The following CRLS1 variants were observed in gnomAD, a reference collection of about 807,000 sequenced individuals.
CRLS1 encodes cardiolipin synthase 1.
Under a neutral mutation model 37.0 loss-of-function variants are expected in CRLS1, and 24 were observed. The ratio of observed to expected loss-of-function variants is 0.65; its 90% CI spans 0.47 to 0.91. CRLS1 has a LOEUF of 0.91. Ranked by LOEUF, CRLS1 falls within the 40% of genes least tolerant of loss-of-function variation. The probability of loss-of-function intolerance (pLI) is 0.00; values close to 1 mark genes in which losing one functional copy is unlikely to be tolerated. For synonymous variants in CRLS1, 135 were observed against 159.7 expected (o/e 0.85, Z 1.17); for missense variants, 373 against 395.8 (o/e 0.94, Z 0.49).
Position 6,034,478 on chromosome 20 carries a change from C to G in CRLS1, c.744C>G (p.Val248=). 6.2e-7 allele frequency: 1 copy of G among 1,612,190 alleles called. No individual in the cohort carries two copies. The part of the protein sequence containing the change: ...PTFISKVNTA[V]QLILVAASLA... The stretch of plus-strand genomic sequence containing the variant: ...TTTTTATTTAGGTGAATACAGCAGT[C>G]CAGTTAATCTTGGTGGCAGCTTCTT... The change falls in exon 6 of 7, where the codon GTC becomes GTG. Residue 248 remains valine, a synonymous_variant. Transcript: ENST00000378863.
At chr20:6,010,251 G>C (rs747064204) in intron 2 of CRLS1, among the ~76,000 whole-genome samples, 8 of 152,096 alleles carry the variant, frequency 5.3e-5, no homozygotes, top group Non-Finnish European at 1.0e-4. Flanking sequence ...GATCTGAGAT[G>C]ACTTTTCTAT....
intron 1 of CRLS1, 99 bp from the exon 2 acceptor site, chr20:6,009,676 C>A: frequency 1.1e-6 from 1 of 903,372 alleles, no homozygotes; most frequent in Non-Finnish European, 1.6e-6. Context: ...TAGCTTCTGA[C>A]TGAAGTTGAT....
intron 2 of CRLS1, among the ~76,000 whole-genome samples, chr20:6,010,349 A>G (rs1444968573): frequency 6.6e-6 from 1 of 152,232 alleles, no homozygotes; most frequent in African/African-American, 2.4e-5. Context: ...GTTATGACCC[A>G]GGGAACTGGG....
intron 3 of CRLS1, among the ~76,000 whole-genome samples, chr20:6,024,889 G>T (rs922517448): frequency 5.3e-5 from 8 of 152,146 alleles, no homozygotes; most frequent in African/African-American, 1.9e-4. Context: ...ATAGATCAAG[G>T]CCCTAAGTCT....
chr20:6,029,321 A>G (rs566680748), intron 3 of CRLS1, among the ~76,000 whole-genome samples: 3 of 150,516 alleles, frequency 2.0e-5, no homozygotes, highest in African/African-American at 4.9e-5. Flanking sequence ...TTCCATGCAT[A>G]CTATACATAG....
chr20:6,033,530 T>C (rs752055904), intron 5 of CRLS1, among the ~76,000 whole-genome samples: 2 of 152,226 alleles, frequency 1.3e-5, no homozygotes, highest in Non-Finnish European at 2.9e-5. Flanking sequence ...CGCTTTTTCA[T>C]ACTTTGCAGA....
At position 6,037,991 on chromosome 20, in the gene CRLS1, G is replaced by A. The variant is rs1980693165; in HGVS notation, c.*833G>A. ...ATTTTTCAAAGGTTTTTTAAACTTTGGAGACTCTTTCTTTTGTTAAGCAGT... is the reference window on the plus strand; with the variant it reads ...ATTTTTCAAAGGTTTTTTAAACTTTAGAGACTCTTTCTTTTGTTAAGCAGT... On this transcript the variant is annotated 3_prime_UTR_variant, in exon 7 of 7. Transcript: ENST00000378863. 1 of 152,034 alleles carries A rather than the reference G, an allele frequency of 6.6e-6. No homozygotes were observed. Among genetic ancestry groups the A allele is most frequent in the Non-Finnish European group, 1.5e-5 (1 of 68,012 alleles). 9.4% of individuals were successfully genotyped at this position (152,034 alleles called of 1,614,324 possible).
Position 6,020,523 on chromosome 20 carries a change from T to A in CRLS1, c.574+5033T>A, listed in dbSNP as rs142393581. On this transcript the variant is annotated intron_variant, in intron 3 of 6. Transcript: ENST00000378863. The stretch of plus-strand genomic sequence containing the variant: ...TTCAGCCCACTACTGTCAGATTTTA[T>A]AAATATTCCATGAATACTTGAAATG... Among the ~76,000 whole-genome samples, 4 of 152,360 alleles carry A rather than the reference T, an allele frequency of 2.6e-5. No homozygotes were observed. In the East Asian group the frequency reaches 5.8e-4, roughly 22 times the overall value.
chr20:6,013,441 A>G (rs1430125977), intron 2 of CRLS1, among the ~76,000 whole-genome samples: 2 of 152,102 alleles, frequency 1.3e-5, no homozygotes, highest in Non-Finnish European at 2.9e-5. Flanking sequence ...GAGATGGGGA[A>G]GAAGGGAGGC....
chr20:6,028,839 T>G (rs1275116437), intron 3 of CRLS1: 1 of 152,268 alleles, frequency 6.6e-6, no homozygotes, highest in Non-Finnish European at 1.5e-5. Context: ...GAGAAATCCT[T>G]GACACATTTT....
At chr20:6,008,688 TCTGA>T (rs1288195771) in intron 1 of CRLS1, among the ~76,000 whole-genome samples, 1 of 152,262 alleles carries the variant, frequency 6.6e-6, no homozygotes, top group Non-Finnish European at 1.5e-5. Context: ...CTAGCAGTTC[TCTGA>T]CTTAGTGATG....
chr20:6,033,074 TTATTTTATTTTA>T (rs1980294233), intron 5 of CRLS1, among the ~76,000 whole-genome samples: 1 of 150,670 alleles, frequency 6.6e-6, no homozygotes, highest in African/African-American at 2.4e-5. Flanking sequence ...AATTTACATT[TTATTTTATTTTA>T]TATTTTATAT....
At chr20:6,033,821 A>G (rs112166879) in intron 5 of CRLS1, among the ~76,000 whole-genome samples, 4,010 of 152,256 alleles carry the variant, frequency 0.026, 170 homozygotes, top group African/African-American at 0.091. Context: ...CTGAGAGTAC[A>G]GGTGCACACC....
chr20:6,006,874 C>T, intron 1 of CRLS1: 1 of 947,022 alleles, frequency 1.1e-6, no homozygotes, highest in Middle Eastern at 5.5e-4. Context: ...ATTTTTAATT[C>T]TTTTGAAGTG....
At chr20:6,017,491 A>G (rs183457310) in intron 3 of CRLS1, among the ~76,000 whole-genome samples, 368 of 152,324 alleles carry the variant, frequency 2.4e-3, no homozygotes, top group Non-Finnish European at 4.1e-3. Flanking sequence ...TTTCAGACTC[A>G]GTGCAAGGTA....
intron 3 of CRLS1, among the ~76,000 whole-genome samples, chr20:6,022,937 G>A (rs1979391244): frequency 6.6e-6 from 1 of 151,990 alleles, no homozygotes; most frequent in Non-Finnish European, 1.5e-5. Context: ...TTTTTTCTGT[G>A]TTAGCTCATT....
At chr20:6,018,254 C>G (rs1469415244) in intron 3 of CRLS1, among the ~76,000 whole-genome samples, 1 of 148,152 alleles carries the variant, frequency 6.7e-6, no homozygotes, top group East Asian at 2.0e-4. Flanking sequence ...TCTTATAACT[C>G]CATGTTGATA....
At chr20:6,005,944 A>G (rs2090047252), upstream of CRLS1, 1 of 240,776 alleles carries the variant, frequency 4.2e-6, no homozygotes, top group African/African-American at 2.3e-5. Context: ...GGCCAGGAGA[A>G]GAGAGCGCCG....
At chr20:6,027,315 C>T (rs1200795926) in intron 3 of CRLS1, among the ~76,000 whole-genome samples, 1 of 151,954 alleles carries the variant, frequency 6.6e-6, no homozygotes, top group Non-Finnish European at 1.5e-5. Flanking sequence ...GAACTCCTGA[C>T]CTCAGGTGAT....
Sources: gnomAD v4.1 joint callset for allele counts (sites outside exome capture counted in the v4.1 genomes callset) on GRCh38, gnomAD v4.1.1 for gene constraint, MANE v1.5 for transcripts, NCBI Gene and HGNC (gene_info 2026-07-23, HGNC 2026-07-21) for gene names.